Variants in PACS1 observed in about 807,000 individuals in gnomAD.
PACS1 encodes the protein phosphofurin acidic cluster sorting protein 1.
In PACS1, 24 loss-of-function variants were observed where a neutral mutation model predicts 115.0. That is an observed-to-expected ratio of 0.21 (90% CI 0.15 to 0.29). The LOEUF (loss-of-function observed/expected upper bound fraction) is 0.29, where lower values mean the gene tolerates loss of function less well. PACS1 is among the 10% of genes least tolerant of loss of function. The probability of loss-of-function intolerance (pLI) is 1.00; values close to 1 mark genes in which losing one functional copy is unlikely to be tolerated. For missense variants in PACS1, 838 were observed against 1,251.2 expected, an observed-to-expected ratio of 0.67 and a Z score of 4.98; for synonymous variants, 453 against 504.5, an observed-to-expected ratio of 0.90 and a Z score of 1.37.
intron 2 of PACS1, among the ~76,000 whole-genome samples, chr11:66,198,828 A>C (rs1590813004): frequency 6.6e-6 from 1 of 152,258 alleles, no homozygotes; most frequent in Non-Finnish European, 1.5e-5. Context: ...TTGTTTGGGG[A>C]ACATATATTT....
chr11:66,239,332 T>C, intron 21 of PACS1, 55 bp downstream of exon 21: 1 of 1,564,398 alleles, frequency 6.4e-7, no homozygotes, highest in Non-Finnish European at 8.6e-7. Context: ...CCCACCCGGC[T>C]GATTCCAGTG....
chr11:66,220,051 G>A (rs113168985), intron 8 of PACS1, among the ~76,000 whole-genome samples: 1 of 152,048 alleles, frequency 6.6e-6, no homozygotes, highest in Non-Finnish European at 1.5e-5. Flanking sequence ...TTGGTGATGC[G>A]CAAGCCTCTG....
intron 4 of PACS1, among the ~76,000 whole-genome samples, chr11:66,214,261 A>G (rs1470812841): frequency 6.6e-6 from 1 of 152,116 alleles, no homozygotes; most frequent in Non-Finnish European, 1.5e-5. Context: ...TGTCCTGCTC[A>G]GTCAGTGTTT....
At chr11:66,130,655 G>C (rs1046180455) in intron 1 of PACS1, among the ~76,000 whole-genome samples, 3 of 152,020 alleles carry the variant, frequency 2.0e-5, no homozygotes, top group African/African-American at 7.3e-5. Flanking sequence ...TTTCAGTTCT[G>C]TTGGTGTTGT....
At chr11:66,163,636 G>T (rs1859538157) in intron 1 of PACS1, among the ~76,000 whole-genome samples, 1 of 152,164 alleles carries the variant, frequency 6.6e-6, no homozygotes, top group South Asian at 2.1e-4. Context: ...GATGTGACGT[G>T]TATTGTTATT....
chr11:66,099,823 G>A (rs141975818), intron 1 of PACS1, among the ~76,000 whole-genome samples: 1,637 of 151,952 alleles, frequency 0.011, 16 homozygotes, highest in South Asian at 0.024. Flanking sequence ...TGGGATTATA[G>A]GCATGAGCCA....
chr11:66,230,942 T>C lies in PACS1; in HGVS notation c.1626+2T>C. On this transcript the variant is annotated splice_donor_variant, in intron 13 of 23. Transcript: ENST00000320580. LOFTEE classifies it high-confidence loss of function. ...CCAGATCTGGGCCACAGCACGCAGG[T>C]ACTTCTGGGTGCCCCCAAAACACCA... 6.2e-7 allele frequency: 1 copy of C among 1,613,840 alleles called. No individual in the cohort carries two copies. The highest frequency in any genetic ancestry group is 8.5e-7 in the Non-Finnish European group (1 of 1,180,020).
intron 1 of PACS1, among the ~76,000 whole-genome samples, chr11:66,156,925 A>G (rs1859376338): frequency 6.6e-5 from 10 of 151,962 alleles, no homozygotes; most frequent in Admixed American, 5.9e-4. Flanking sequence ...GGTGATGATT[A>G]TACTTTAGGT....
intron 1 of PACS1, among the ~76,000 whole-genome samples, chr11:66,143,933 C>T (rs1859060428): frequency 6.6e-6 from 1 of 152,198 alleles, no homozygotes; most frequent in Non-Finnish European, 1.5e-5. Flanking sequence ...AACCACTGCA[C>T]CTGGCCCCTG....
At position 66,149,090 on chromosome 11, in the gene PACS1, CTT is replaced by C. The variant is rs10717909; in HGVS notation, c.357-44375_357-44374del. 7.7e-3 allele frequency among the ~76,000 whole-genome samples: 755 copies of C among 98,136 alleles called. 39 individuals are homozygous for C. In the East Asian group the frequency reaches 0.11, roughly 15 times the overall value. The allele number at this position is 98,136 out of a possible 152,430, so 64.4% of individuals were successfully genotyped here. On this transcript the variant is annotated intron_variant, in intron 1 of 23. Coordinates refer to ENST00000320580, the MANE Select transcript of PACS1 (RefSeq NM_018026.4). Reference sequence around the variant, plus strand: ...GTGAGCATGTGCACATGCACACGCACTTTTTTTTTTTTTTTTTTTTTTGAGAT... The same window carrying C: ...GTGAGCATGTGCACATGCACACGCACTTTTTTTTTTTTTTTTTTTTGAGAT...
chr11:66,206,387 G>A (rs1286730007), intron 2 of PACS1, among the ~76,000 whole-genome samples: 1 of 152,176 alleles, frequency 6.6e-6, no homozygotes, highest in African/African-American at 2.4e-5. Context: ...TGGAACCCAT[G>A]AAAGCTAAAC....
At chr11:66,188,469 C>T (rs1854439605) in intron 1 of PACS1, among the ~76,000 whole-genome samples, 1 of 152,134 alleles carries the variant, frequency 6.6e-6, no homozygotes, top group Non-Finnish European at 1.5e-5. Flanking sequence ...TCCACTGTCC[C>T]CAGCCATGAG....
At chr11:66,072,852 A>G (rs1387065345) in intron 1 of PACS1, among the ~76,000 whole-genome samples, 2 of 152,238 alleles carry the variant, frequency 1.3e-5, no homozygotes, top group African/African-American at 4.8e-5. Flanking sequence ...GCGCGAGCCT[A>G]CTGGCAAGGA....
At chr11:66,181,299 C>T (rs1443038237) in intron 1 of PACS1, among the ~76,000 whole-genome samples, 2 of 151,806 alleles carry the variant, frequency 1.3e-5, no homozygotes, top group African/African-American at 4.8e-5. Context: ...GCAACCTCCA[C>T]CTCCCAGGGT....
intron 2 of PACS1, among the ~76,000 whole-genome samples, chr11:66,202,737 AAAAAAATATATAT>A (rs1462003434): frequency 5.9e-5 from 4 of 67,842 alleles, no homozygotes; most frequent in African/African-American, 2.3e-4. Context: ...AAAAAAAAAA[AAAAAAATATATAT>A]ATATATATAT....
At chr11:66,216,845 T>C in intron 7 of PACS1, 70 bp downstream of exon 7, 1 of 1,034,342 alleles carries the variant, frequency 9.7e-7, no homozygotes, top group East Asian at 2.5e-5. Context: ...CAGCAGCATA[T>C]TCAGGCCTAG....
In PACS1 at chr11:66,230,824, A is replaced by G. The variant is rs201619353; in HGVS notation, c.1510A>G (p.Thr504Ala). 2 of 1,614,152 alleles carry G rather than the reference A, an allele frequency of 1.2e-6. No individual in the cohort carries two copies. The highest frequency in any genetic ancestry group is 2.2e-5 in the East Asian group (1 of 44,876). Residue 504 changes from threonine (T) to alanine (A), a missense_variant, in exon 13 of 24, where the codon ACA becomes GCA. Transcript: ENST00000320580. The part of the protein sequence containing the change: ...ASPSKVEGVH[T>A]PRQKRSTPLK... ...TGGCAGCAAAGTGGAGGGGGTGCAC[A>G]CACCCCGGCAGAAGAGGAGCACGCC...
At chr11:66,117,833 G>A (rs1653759136) in intron 1 of PACS1, among the ~76,000 whole-genome samples, 1 of 151,248 alleles carries the variant, frequency 6.6e-6, no homozygotes, top group Non-Finnish European at 1.5e-5. Flanking sequence ...CAACAAGAGT[G>A]AAATGCCATC....
intron 1 of PACS1, among the ~76,000 whole-genome samples, chr11:66,191,744 C>G (rs1489986758): frequency 1.3e-5 from 2 of 152,186 alleles, no homozygotes; most frequent in African/African-American, 4.8e-5. Flanking sequence ...ACTTGGGTGA[C>G]TGGGCGTGGT....
Sources: gnomAD v4.1 joint callset for allele counts (sites outside exome capture counted in the v4.1 genomes callset) on GRCh38, gnomAD v4.1.1 for gene constraint, MANE v1.5 for transcripts, NCBI Gene and HGNC (gene_info 2026-07-23, HGNC 2026-07-21) for gene names.